ACER3: variants seen among roughly 807,000 people sequenced by gnomAD.
ACER3 encodes alkCDase 3.
A neutral mutation model predicts 48.9 loss-of-function variants in ACER3; 16 were observed. The observed-to-expected ratio is 0.33, with a 90% confidence interval of 0.22 to 0.50. ACER3 has a LOEUF of 0.50. Among genes scored for constraint, ACER3 ranks in the 20% least tolerant of loss-of-function variants. ACER3 has a pLI of 0.98. For synonymous variants in ACER3, 109 were observed against 107.8 expected (o/e 1.01, Z -0.07); for missense variants, 227 against 326.0 (o/e 0.70, Z 2.34).
At chr11:76,912,503 G>T (rs1946404886) in intron 1 of ACER3, among the ~76,000 whole-genome samples, 1 of 151,902 alleles carries the variant, frequency 6.6e-6, no homozygotes, top group Non-Finnish European at 1.5e-5. Context: ...GCCAATAAGG[G>T]ATTATACAAA....
At position 76,889,915 on chromosome 11, in the gene ACER3, T is replaced by C. The variant is rs142301957; in HGVS notation, c.103+28836T>C. On this transcript the variant is annotated intron_variant, in intron 1 of 10. Transcript: ENST00000532485. ...TTGGTTATTTTTTCTTGCTATCTTA[T>C]ATTTCTTTAAATATTTTAAAAACAC... 2.5e-3 allele frequency among the ~76,000 whole-genome samples: 385 copies of C among 152,292 alleles called. 2 individuals are homozygous for C. The highest frequency in any genetic ancestry group is 8.8e-3 in the African/African-American group (368 of 41,584).
chr11:76,929,226 G>A (rs1172854105), intron 2 of ACER3, among the ~76,000 whole-genome samples: 1 of 152,070 alleles, frequency 6.6e-6, no homozygotes, highest in Non-Finnish European at 1.5e-5. Context: ...TGAAGCAATT[G>A]TGAATGGGAG....
intron 7 of ACER3, among the ~76,000 whole-genome samples, chr11:77,001,479 A>G (rs1360761742): frequency 6.6e-6 from 1 of 152,102 alleles, no homozygotes; most frequent in Admixed American, 6.6e-5. Context: ...GCTGGTTTCA[A>G]ACTCCTGACC....
intron 6 of ACER3, among the ~76,000 whole-genome samples, chr11:76,995,679 T>TA (rs1565219262): frequency 6.6e-6 from 1 of 152,096 alleles, no homozygotes; most frequent in East Asian, 1.9e-4. Context: ...GCCAGCCAGA[T>TA]AAAATCAGTT....
chr11:77,011,525 G>A (rs1262042166), intron 7 of ACER3: 1 of 318,902 alleles, frequency 3.1e-6, no homozygotes. Context: ...TCCTCAAATG[G>A]GGGCTATGAT....
intron 2 of ACER3, among the ~76,000 whole-genome samples, chr11:76,938,508 C>G (rs962766792): frequency 2.7e-5 from 4 of 150,636 alleles, no homozygotes; most frequent in Non-Finnish European, 4.4e-5. Context: ...TTGGTAGAAA[C>G]AGGTCTCCCT....
chr11:77,007,569 G>A (rs2135296750), intron 7 of ACER3, among the ~76,000 whole-genome samples: 1 of 152,352 alleles, frequency 6.6e-6, no homozygotes, highest in Admixed American at 6.5e-5. Flanking sequence ...ACACCCAAGT[G>A]GTGTGGCCAT....
intron 1 of ACER3, among the ~76,000 whole-genome samples, chr11:76,890,592 T>G (rs1945780510): frequency 6.6e-6 from 1 of 152,180 alleles, no homozygotes; most frequent in Admixed American, 6.5e-5. Context: ...CAGACTGAAC[T>G]CCAAAATCTT....
At chr11:76,890,930 C>G (rs1376585251) in intron 1 of ACER3, among the ~76,000 whole-genome samples, 4 of 151,708 alleles carry the variant, frequency 2.6e-5, no homozygotes. Flanking sequence ...GACCCGTGGC[C>G]AATATGACAA....
chr11:76,967,114 G>A (rs1263649479), intron 3 of ACER3, among the ~76,000 whole-genome samples: 1 of 152,094 alleles, frequency 6.6e-6, no homozygotes. Context: ...AATCAAAAAT[G>A]ATAAAGGGGA....
intron 5 of ACER3, among the ~76,000 whole-genome samples, chr11:76,988,073 A>G (rs903906073): frequency 2.0e-5 from 3 of 152,260 alleles, no homozygotes; most frequent in African/African-American, 4.8e-5. Flanking sequence ...GCCTGATGTC[A>G]TGGAGTACAA....
At chr11:76,966,802 A>T (rs1948149664) in intron 3 of ACER3, among the ~76,000 whole-genome samples, 1 of 151,306 alleles carries the variant, frequency 6.6e-6, no homozygotes, top group Non-Finnish European at 1.5e-5. Context: ...GAACACATTC[A>T]AAGCAGTGTG....
At chr11:76,925,991 T>C (rs1946820551) in intron 1 of ACER3, among the ~76,000 whole-genome samples, 2 of 152,220 alleles carry the variant, frequency 1.3e-5, no homozygotes, top group South Asian at 4.1e-4. Context: ...GTTTGCACTT[T>C]GTTTTTGTGA....
intron 1 of ACER3, among the ~76,000 whole-genome samples, chr11:76,924,081 T>A (rs1946755201): frequency 6.6e-6 from 1 of 152,092 alleles, no homozygotes; most frequent in African/African-American, 2.4e-5. Flanking sequence ...CCTGCCAAGG[T>A]CCCGCTGGGT....
At chr11:76,926,706 C>A in intron 2 of ACER3, 39 bp downstream of exon 2, 2 of 1,274,568 alleles carry the variant, frequency 1.6e-6, no homozygotes, top group South Asian at 1.3e-5. Context: ...GTACAGTATT[C>A]AAATGGGCCA....
At chr11:76,868,203 G>C in intron 1 of ACER3, 1 of 1,289,758 alleles carries the variant, frequency 7.8e-7, no homozygotes. Context: ...GGGACTCTGG[G>C]CTGGCAGAGG....
chr11:76,921,419 A>G (rs2134783573), intron 1 of ACER3, among the ~76,000 whole-genome samples: 1 of 152,334 alleles, frequency 6.6e-6, no homozygotes, highest in South Asian at 2.1e-4. Context: ...CCTGGGATCC[A>G]GATTAATTTT....
chr11:76,994,941 C>T (rs1948882042), intron 6 of ACER3, among the ~76,000 whole-genome samples: 1 of 151,978 alleles, frequency 6.6e-6, no homozygotes, highest in African/African-American at 2.4e-5. Context: ...TCATTTTAGA[C>T]AGATCATTGA....
chr11:76,938,070 A>G (rs1444894043), intron 2 of ACER3, among the ~76,000 whole-genome samples: 1 of 152,192 alleles, frequency 6.6e-6, no homozygotes, highest in Admixed American at 6.5e-5. Flanking sequence ...GCTGGAATGC[A>G]GTGGTGCAAT....
Sources: gnomAD v4.1 joint callset for allele counts (sites outside exome capture counted in the v4.1 genomes callset) on GRCh38, gnomAD v4.1.1 for gene constraint, MANE v1.5 for transcripts, NCBI Gene and HGNC (gene_info 2026-07-23, HGNC 2026-07-21) for gene names.